The following PCLO variants were observed in gnomAD, a reference collection of about 807,000 sequenced individuals.
PCLO encodes protein piccolo.
A neutral mutation model predicts 427.5 loss-of-function variants in PCLO; 82 were observed. The observed-to-expected ratio is 0.19, with a 90% CI of 0.16 to 0.23. PCLO has a LOEUF of 0.23. Ranked by LOEUF, PCLO falls within the 10% of genes least tolerant of loss-of-function variation. The pLI is 1.00. For synonymous variants in PCLO, 2,357 were observed against 2,155.4 expected (o/e 1.09, Z -2.59); for missense variants, 6,239 against 6,115.9 (o/e 1.02, Z -0.67).
At chr7:82,787,638 G>T (rs895457692) in intron 22 of PCLO, among the ~76,000 whole-genome samples, 5 of 152,120 alleles carry the variant, frequency 3.3e-5, no homozygotes, top group African/African-American at 7.2e-5. Context: ...GCTAATCCAT[G>T]TTCCTAAAGT....
intron 3 of PCLO, among the ~76,000 whole-genome samples, chr7:83,073,764 TAAA>T (rs1342752351): frequency 6.6e-6 from 1 of 151,580 alleles, no homozygotes; most frequent in Non-Finnish European, 1.5e-5. Flanking sequence ...CTAAAGCTAT[TAAA>T]AACTATTTTA....
intron 22 of PCLO, among the ~76,000 whole-genome samples, chr7:82,789,710 AAG>A (rs1258562167): frequency 6.6e-6 from 1 of 152,162 alleles, no homozygotes; most frequent in Non-Finnish European, 1.5e-5. Flanking sequence ...GTCTCAAAAA[AAG>A]AGAGCAAAAT....
chr7:83,139,561 A>G (rs1279802446), intron 2 of PCLO, among the ~76,000 whole-genome samples: 1 of 152,206 alleles, frequency 6.6e-6, no homozygotes, highest in African/African-American at 2.4e-5. Context: ...ATATATCTCT[A>G]CCTAAGCAGA....
rs547091021 is a variant in PCLO, at chr7:82,987,268, T to C, written c.3301-20781A>G. Among the ~76,000 whole-genome samples the C allele has an allele frequency of 3.9e-5, 6 of 152,070 alleles. No individual in the cohort carries two copies. The South Asian group carries it at 1.2e-3, about 31-fold the overall frequency. On this transcript the variant is annotated intron_variant, in intron 3 of 24. Coordinates refer to ENST00000333891, the MANE Select transcript of PCLO (RefSeq NM_033026.6). ...ATATTTATTGATTCTAGCTACTTGA[T>C]TTTTAGAAAAAAATCCTCTCAGTTT...
intron 3 of PCLO, among the ~76,000 whole-genome samples, chr7:82,987,705 A>G (rs2115818584): frequency 6.6e-6 from 1 of 152,252 alleles, no homozygotes; most frequent in Admixed American, 6.5e-5. Context: ...CTTTGCATAA[A>G]TATGTTTTGC....
intron 3 of PCLO, among the ~76,000 whole-genome samples, chr7:83,041,964 A>T (rs1486197247): frequency 4.6e-5 from 7 of 152,166 alleles, no homozygotes; most frequent in Admixed American, 2.6e-4. Flanking sequence ...AGGAGGCAAT[A>T]AAAATTTCTG....
At chr7:82,894,469 CA>C (rs1249850531) in intron 9 of PCLO, 6 of 152,584 alleles carry the variant, frequency 3.9e-5, no homozygotes, top group Non-Finnish European at 5.8e-5. Context: ...TGGCGGAAGG[CA>C]AAGAGAGAGC....
rs1312568013 is a variant in PCLO, at chr7:82,950,891, C to T, written c.9697G>A (p.Glu3233Lys). ...LEKIKQQRFA[E>K]ELEWERQEIQ... ...TCCTGACGTTCCCACTCCAATTCCT[C>T]AGCAAAGCGCTGTTGCTTAATTTTC... Residue 3233 changes from glutamate (E) to lysine (K), a missense_variant, in exon 6 of 25, where the codon GAG becomes AAG. Around this residue, in one of 5 missense-constraint regions of PCLO, gnomAD observed 4,677 missense variants for 4,468.4 expected, o/e 1.05. Coordinates refer to ENST00000333891, the MANE Select transcript of PCLO (RefSeq NM_033026.6). The T allele has an allele frequency of 6.2e-7, 1 of 1,613,490 alleles. No individual in the cohort carries two copies. The highest frequency in any genetic ancestry group is 8.5e-7 in the Non-Finnish European group (1 of 1,179,866).
chr7:82,831,138 C>T (rs1792083143), intron 16 of PCLO, among the ~76,000 whole-genome samples: 1 of 152,042 alleles, frequency 6.6e-6, no homozygotes, highest in Non-Finnish European at 1.5e-5. Flanking sequence ...TCATGTAATA[C>T]TCATATTAAC....
intron 3 of PCLO, among the ~76,000 whole-genome samples, chr7:83,094,210 C>CTGTT (rs61363541): frequency 0.25 from 31,204 of 125,808 alleles, 4,546 homozygotes; most frequent in East Asian, 0.58. Flanking sequence ...ATTTTTTTTT[C>CTGTT]TTTTTTTTTT....
intron 4 of PCLO, among the ~76,000 whole-genome samples, chr7:82,961,359 A>G (rs1795652007): frequency 6.6e-6 from 1 of 152,162 alleles, no homozygotes. Flanking sequence ...AGGAGAAAGC[A>G]CAAGCTTTGT....
intron 3 of PCLO, among the ~76,000 whole-genome samples, chr7:83,124,353 CAAA>C (rs1000734708): frequency 3.5e-5 from 2 of 57,516 alleles, no homozygotes. Flanking sequence ...GACTCCGTCT[CAAA>C]AAAAAAAAAA....
At chr7:83,079,713 T>A (rs1045532328) in intron 3 of PCLO, among the ~76,000 whole-genome samples, 2 of 152,112 alleles carry the variant, frequency 1.3e-5, no homozygotes, top group African/African-American at 4.8e-5. Flanking sequence ...AGGATTTTTT[T>A]ATTTCAATAT....
chr7:83,048,549 C>T (rs1583955454), intron 3 of PCLO, among the ~76,000 whole-genome samples: 1 of 152,086 alleles, frequency 6.6e-6, no homozygotes, highest in African/African-American at 2.4e-5. Context: ...CAGGCAATTA[C>T]AATATTTTAC....
intron 7 of PCLO, among the ~76,000 whole-genome samples, chr7:82,913,312 T>G (rs186882274): frequency 3.3e-5 from 5 of 152,120 alleles, no homozygotes; most frequent in African/African-American, 1.2e-4. Context: ...AAATCCAGAT[T>G]TGAATTCCTA....
intron 10 of PCLO, among the ~76,000 whole-genome samples, chr7:82,873,513 T>A (rs1238047189): frequency 6.6e-6 from 1 of 152,184 alleles, no homozygotes; most frequent in South Asian, 2.1e-4. Context: ...TTGCGCCTAC[T>A]GTGTAATGCA....
intron 10 of PCLO, among the ~76,000 whole-genome samples, chr7:82,869,611 A>T (rs1365537589): frequency 2.6e-5 from 4 of 152,074 alleles, no homozygotes; most frequent in Admixed American, 1.3e-4. Context: ...CAATTAAAAC[A>T]GTGTGATATC....
At chr7:82,964,359 C>T (rs941416470) in intron 4 of PCLO, among the ~76,000 whole-genome samples, 1 of 151,916 alleles carries the variant, frequency 6.6e-6, no homozygotes, top group African/African-American at 2.4e-5. Flanking sequence ...AAGAGTCAGA[C>T]ATATTGAGTT....
intron 21 of PCLO, among the ~76,000 whole-genome samples, chr7:82,802,008 G>C (rs1791364088): frequency 6.6e-6 from 1 of 151,650 alleles, no homozygotes; most frequent in Non-Finnish European, 1.5e-5. Context: ...TTGGTAAAAA[G>C]AGCAATATTG....
Sources: gnomAD v4.1 joint callset for allele counts (sites outside exome capture counted in the v4.1 genomes callset) on GRCh38, gnomAD v4.1.1 for gene constraint, gnomAD v4.1.1 regional missense constraint, MANE v1.5 for transcripts, NCBI Gene and HGNC (gene_info 2026-07-23, HGNC 2026-07-21) for gene names.